The following KCNMB2 variants were observed in gnomAD, a reference collection of about 807,000 sequenced individuals.
The protein encoded by KCNMB2 is calcium-activated potassium channel subunit beta-2.
In KCNMB2, 9 loss-of-function variants were observed where a neutral mutation model predicts 24.5. The observed-to-expected ratio is 0.37, with a 90% CI of 0.22 to 0.64. The LOEUF is 0.64. KCNMB2 is among the 30% of genes least tolerant of loss of function. The pLI, the probability that KCNMB2 is intolerant of heterozygous loss-of-function variation, is 0.63. For missense variants in KCNMB2, 226 were observed against 284.3 expected, an observed-to-expected ratio of 0.79 and a Z score of 1.47; for synonymous variants, 109 against 104.4, an observed-to-expected ratio of 1.04 and a Z score of -0.27.
At chr3:178,726,633 A>G (rs1054693834) in intron 1 of KCNMB2, among the ~76,000 whole-genome samples, 1 of 151,840 alleles carries the variant, frequency 6.6e-6, no homozygotes, top group African/African-American at 2.4e-5. Flanking sequence ...AGAACACTGG[A>G]ATTGCTTTTA....
At chr3:178,674,120 A>AT (rs893105955) in intron 1 of KCNMB2, among the ~76,000 whole-genome samples, 49 of 148,326 alleles carry the variant, frequency 3.3e-4, no homozygotes, top group Non-Finnish European at 4.0e-4. Flanking sequence ...TGATCTTCTG[A>AT]TTTTTTTTTT....
At chr3:178,753,032 C>T (rs114225519) in intron 1 of KCNMB2, among the ~76,000 whole-genome samples, 1,995 of 152,220 alleles carry the variant, frequency 0.013, 19 homozygotes, top group Non-Finnish European at 0.019. Flanking sequence ...TTCTGCTGAA[C>T]TTGCATTTTA....
intron 1 of KCNMB2, among the ~76,000 whole-genome samples, chr3:178,705,203 C>T (rs1176388817): frequency 6.6e-6 from 1 of 152,086 alleles, no homozygotes; most frequent in East Asian, 1.9e-4. Context: ...GGTAGCTTCA[C>T]CTCAGACTTT....
At chr3:178,602,034 TTTA>T (rs1330709348) in intron 1 of KCNMB2, among the ~76,000 whole-genome samples, 1 of 152,152 alleles carries the variant, frequency 6.6e-6, no homozygotes, top group Non-Finnish European at 1.5e-5. Flanking sequence ...CCTCAACAGG[TTTA>T]TTGACTGCCT....
At position 178,682,863 on chromosome 3, in the gene KCNMB2, G is replaced by GA. The variant is rs955916488; in HGVS notation, c.-67-124471dup. Among the ~76,000 whole-genome samples the GA allele has an allele frequency of 5.2e-4, 77 of 148,700 alleles. 3 individuals carry two copies. In the South Asian group the frequency reaches 0.013, roughly 25 times the overall value. Reference sequence around the variant, plus strand: ...TGGCTATTACTAAAAAGTCAAAAAAGAAAAAAAAACAGATGTTGGCAAGGC... The same window carrying GA: ...TGGCTATTACTAAAAAGTCAAAAAAGAAAAAAAAAACAGATGTTGGCAAGGC... On this transcript the variant is annotated intron_variant, in intron 1 of 4. Transcript: ENST00000452583.
chr3:178,679,237 T>C (rs954343654), intron 1 of KCNMB2, among the ~76,000 whole-genome samples: 2 of 152,156 alleles, frequency 1.3e-5, no homozygotes, highest in African/African-American at 4.8e-5. Flanking sequence ...TCTCCTTTAT[T>C]TTTTCTTTTT....
intron 1 of KCNMB2, among the ~76,000 whole-genome samples, chr3:178,617,705 C>A (rs370162911): frequency 4.0e-4 from 60 of 151,702 alleles, no homozygotes; most frequent in Middle Eastern, 3.4e-3. Flanking sequence ...CTGGCCAACA[C>A]GATGAAACCC....
intron 1 of KCNMB2, among the ~76,000 whole-genome samples, chr3:178,730,653 C>A (rs1160651186): frequency 1.3e-5 from 2 of 152,176 alleles, no homozygotes; most frequent in East Asian, 3.9e-4. Context: ...GAGCTCAATC[C>A]TGCCAACTTC....
At chr3:178,572,630 T>C (rs1337829269) in intron 1 of KCNMB2, among the ~76,000 whole-genome samples, 1 of 152,226 alleles carries the variant, frequency 6.6e-6, no homozygotes, top group Non-Finnish European at 1.5e-5. Context: ...CTCCCCACTT[T>C]ACTTCTGCAT....
chr3:178,539,770 G>A (rs75933517), intron 1 of KCNMB2, among the ~76,000 whole-genome samples: 98 of 152,004 alleles, frequency 6.4e-4, no homozygotes, highest in African/African-American at 2.1e-3. Context: ...GCATGTGTGC[G>A]TGTGTGTGTG....
At chr3:178,683,319 T>G (rs550311108) in intron 1 of KCNMB2, among the ~76,000 whole-genome samples, 2 of 151,534 alleles carry the variant, frequency 1.3e-5, no homozygotes, top group African/African-American at 4.9e-5. Flanking sequence ...TGGGGACTAC[T>G]AGATGGCACA....
chr3:178,731,936 G>A (rs1460999786), intron 1 of KCNMB2, among the ~76,000 whole-genome samples: 6 of 152,056 alleles, frequency 3.9e-5, no homozygotes, highest in Non-Finnish European at 8.8e-5. Flanking sequence ...TAAGCCTGTA[G>A]ATCTAACTAC....
At chr3:178,612,913 T>C (rs11922066) in intron 1 of KCNMB2, among the ~76,000 whole-genome samples, 14 of 152,004 alleles carry the variant, frequency 9.2e-5, no homozygotes, top group African/African-American at 3.4e-4. Flanking sequence ...TATTGTGTGT[T>C]TTTTTGGTTT....
At chr3:178,593,462 G>A (rs991608115) in intron 1 of KCNMB2, among the ~76,000 whole-genome samples, 20 of 152,068 alleles carry the variant, frequency 1.3e-4, no homozygotes, top group African/African-American at 4.1e-4. Context: ...ACTTTTATGA[G>A]TCCACTTTTT....
chr3:178,666,737 C>G (rs1720731839), intron 1 of KCNMB2, among the ~76,000 whole-genome samples: 1 of 152,154 alleles, frequency 6.6e-6, no homozygotes, highest in East Asian at 1.9e-4. Flanking sequence ...AGCTCCTGCT[C>G]TCCAGCGTTT....
intron 1 of KCNMB2, among the ~76,000 whole-genome samples, chr3:178,682,646 T>G (rs1446805476): frequency 6.6e-6 from 1 of 151,980 alleles, no homozygotes; most frequent in African/African-American, 2.4e-5. Flanking sequence ...ATTATAATTT[T>G]CTATAAGAAA....
intron 2 of KCNMB2, among the ~76,000 whole-genome samples, chr3:178,822,822 T>C (rs1714684683): frequency 1.3e-5 from 2 of 152,254 alleles, no homozygotes; most frequent in African/African-American, 4.8e-5. Flanking sequence ...CTTCTTGTTC[T>C]GATGACACTG....
chr3:178,613,836 A>G (rs1718582799), intron 1 of KCNMB2, among the ~76,000 whole-genome samples: 1 of 152,078 alleles, frequency 6.6e-6, no homozygotes, highest in Non-Finnish European at 1.5e-5. Flanking sequence ...TTCTATAACC[A>G]TCTTGTACGT....
intron 1 of KCNMB2, among the ~76,000 whole-genome samples, chr3:178,567,867 C>G (rs1247988698): frequency 6.6e-6 from 1 of 152,118 alleles, no homozygotes; most frequent in East Asian, 1.9e-4. Context: ...AGTTGCTTAA[C>G]CATGATTCTC....
Sources: allele counts gnomAD v4.1 joint callset (sites outside exome capture counted in the v4.1 genomes callset), GRCh38; gene constraint gnomAD v4.1.1; transcripts MANE v1.5; gene names NCBI Gene and HGNC (gene_info 2026-07-23, HGNC 2026-07-21).